The following PARD3B variants were observed in gnomAD, a reference collection of about 807,000 sequenced individuals.
PARD3B encodes the protein par-3 family cell polarity regulator beta.
PARD3B carries 103 observed loss-of-function variants against 130.2 expected under a neutral mutation model. The observed-to-expected ratio is 0.79, with a 90% CI of 0.67 to 0.93. The LOEUF (loss-of-function observed/expected upper bound fraction) is 0.93. PARD3B is among the 40% of genes least tolerant of loss of function. PARD3B has a pLI of 0.00. For synonymous variants in PARD3B, 583 were observed against 553.2 expected (o/e 1.05, Z -0.76); for missense variants, 1,609 against 1,499.2 (o/e 1.07, Z -1.21).
chr2:204,670,499 A>G (rs932432886), intron 1 of PARD3B, among the ~76,000 whole-genome samples: 2 of 152,120 alleles, frequency 1.3e-5, no homozygotes, highest in African/African-American at 4.8e-5. Flanking sequence ...TTTCTCCATA[A>G]TTCTAATAAT....
intron 20 of PARD3B, among the ~76,000 whole-genome samples, chr2:205,448,238 G>A (rs2047976003): frequency 6.6e-6 from 1 of 152,140 alleles, no homozygotes. Flanking sequence ...GCTTTGTTGG[G>A]CATGGCATGC....
intron 15 of PARD3B, among the ~76,000 whole-genome samples, chr2:205,195,742 T>G (rs1026939444): frequency 6.6e-6 from 1 of 152,210 alleles, no homozygotes; most frequent in East Asian, 1.9e-4. Flanking sequence ...TTAAAACGTC[T>G]TAATAAGTAG....
intron 6 of PARD3B, among the ~76,000 whole-genome samples, chr2:205,117,677 A>G (rs1016339104): frequency 3.3e-5 from 5 of 152,236 alleles, no homozygotes; most frequent in African/African-American, 1.2e-4. Flanking sequence ...AGAGAGTGAC[A>G]AAGTCGAAAA....
At chr2:205,167,056 G>A (rs1297224078) in intron 11 of PARD3B, among the ~76,000 whole-genome samples, 1 of 152,084 alleles carries the variant, frequency 6.6e-6, no homozygotes, top group Non-Finnish European at 1.5e-5. Context: ...TCTTTGCCTT[G>A]GCTTTCTTAC....
intron 19 of PARD3B, among the ~76,000 whole-genome samples, chr2:205,426,938 A>C (rs921977073): frequency 1.3e-5 from 2 of 152,190 alleles, no homozygotes; most frequent in African/African-American, 4.8e-5. Context: ...AATGGCTAGC[A>C]ATCTGATAGT....
intron 19 of PARD3B, among the ~76,000 whole-genome samples, chr2:205,414,768 A>C (rs2046717100): frequency 6.6e-6 from 1 of 152,116 alleles, no homozygotes; most frequent in Non-Finnish European, 1.5e-5. Context: ...AATAATCCTA[A>C]AATGTTTCAC....
chr2:205,063,246 G>T (rs1001646772), intron 4 of PARD3B, among the ~76,000 whole-genome samples: 1 of 151,796 alleles, frequency 6.6e-6, no homozygotes. Context: ...ACCCTAATTT[G>T]ATCATTATAC....
chr2:205,417,870 C>A (rs937312903), intron 19 of PARD3B, among the ~76,000 whole-genome samples: 11 of 152,206 alleles, frequency 7.2e-5, no homozygotes, highest in African/African-American at 2.2e-4. Flanking sequence ...CCAGTGGAGG[C>A]CTTTATTGTG....
At chr2:204,627,793 G>T (rs964367314) in intron 1 of PARD3B, among the ~76,000 whole-genome samples, 9 of 152,048 alleles carry the variant, frequency 5.9e-5, no homozygotes, top group Middle Eastern at 3.2e-3. Context: ...TTGTGAAATA[G>T]CATTTCATTA....
chr2:204,632,885 C>T (rs1378967264), intron 1 of PARD3B, among the ~76,000 whole-genome samples: 5 of 152,180 alleles, frequency 3.3e-5, no homozygotes, highest in East Asian at 1.9e-4. Context: ...AGTATTCACT[C>T]GCACCTTTTG....
chr2:204,840,813 C>T (rs2044232870), intron 2 of PARD3B, among the ~76,000 whole-genome samples: 1 of 152,152 alleles, frequency 6.6e-6, no homozygotes, highest in African/African-American at 2.4e-5. Flanking sequence ...ATACCTTTTA[C>T]TGCAGTATAT....
intron 3 of PARD3B, among the ~76,000 whole-genome samples, chr2:205,012,687 T>C (rs189186138): frequency 6.6e-6 from 1 of 152,242 alleles, no homozygotes; most frequent in East Asian, 1.9e-4. Flanking sequence ...ATTAAAGAGA[T>C]AGTGTTTTAA....
At position 204,623,823 on chromosome 2, in the gene PARD3B, C is replaced by G. The variant is rs1449731681; in HGVS notation, c.121-62358C>G. On this transcript the variant is annotated intron_variant, in intron 1 of 22. Transcript: ENST00000406610. This position sits in a 1 kb window ranked among gnomAD's most constrained non-coding sequence, Gnocchi z 4.5. Reference sequence around the variant, plus strand: ...TAGCAACTGCTTATTTCTCCCTGTCCCCAACTAACAGCCACCATTATACTC... The same window carrying G: ...TAGCAACTGCTTATTTCTCCCTGTCGCCAACTAACAGCCACCATTATACTC... Among the ~76,000 whole-genome samples, 5 of 152,080 alleles carry G rather than the reference C, an allele frequency of 3.3e-5. No homozygotes were observed. Among genetic ancestry groups the G allele is most frequent in the Non-Finnish European group, 5.9e-5 (4 of 68,022 alleles).
At position 205,176,616 on chromosome 2, in the gene PARD3B, A is replaced by C. The variant is rs750198292; in HGVS notation, c.1924+39A>C. ...CATTTTATCCACTGCAAATGGAGTGAGAAAACACAAAAGTGTCTTTTTATC... is the reference window on the plus strand; with the variant it reads ...CATTTTATCCACTGCAAATGGAGTGCGAAAACACAAAAGTGTCTTTTTATC... On this transcript the variant is annotated intron_variant, in intron 13 of 22. Transcript: ENST00000406610. This position sits in a 1 kb window ranked among gnomAD's most constrained non-coding sequence, Gnocchi z 5.3. 6.6e-7 allele frequency: 1 copy of C among 1,511,710 alleles called. No homozygotes were observed. 93.6% of individuals were successfully genotyped at this position (1,511,710 alleles called of 1,614,324 possible).
intron 1 of PARD3B, among the ~76,000 whole-genome samples, chr2:204,672,375 A>G (rs547787626): frequency 1.8e-4 from 27 of 152,224 alleles, no homozygotes; most frequent in Non-Finnish European, 3.4e-4. Context: ...TTAATTATGA[A>G]TCTTAGCTAA....
intron 2 of PARD3B, among the ~76,000 whole-genome samples, chr2:204,694,353 C>A (rs78096276): frequency 8.6e-5 from 13 of 151,864 alleles, no homozygotes; most frequent in African/African-American, 2.9e-4. Flanking sequence ...CTTACCATCT[C>A]GAAGTTCTTA....
In PARD3B at chr2:204,545,852, C is replaced by G; in HGVS notation, c.-148C>G. The G allele has an allele frequency of 1.2e-6, 1 of 861,592 alleles. No homozygotes were observed. Among genetic ancestry groups the G allele is most frequent in the Non-Finnish European group, 1.6e-6 (1 of 616,246 alleles). The allele number at this position is 861,592 out of a possible 1,614,324, so 53.4% of individuals were successfully genotyped here. A position where few individuals can be genotyped will look rare whatever the true frequency, so the allele number is the denominator to read the frequency against. The stretch of plus-strand genomic sequence containing the variant: ...CCTGGCCAGGTGGAAGGGGCGCTGC[C>G]GCGAGCCTCCGGGCCTCAGGGTGTT... On this transcript the variant is annotated 5_prime_UTR_variant, in exon 1 of 23. Coordinates refer to ENST00000406610, the MANE Select transcript of PARD3B (RefSeq NM_001302769.2).
At chr2:204,911,881 T>G (rs76764034) in intron 2 of PARD3B, among the ~76,000 whole-genome samples, 1 of 152,190 alleles carries the variant, frequency 6.6e-6, no homozygotes, top group Non-Finnish European at 1.5e-5. Context: ...AACTTTTGTT[T>G]GTCAAATATA....
At chr2:204,874,585 A>T (rs866503098) in intron 2 of PARD3B, among the ~76,000 whole-genome samples, 19 of 151,978 alleles carry the variant, frequency 1.3e-4, no homozygotes, top group Admixed American at 3.9e-4. Flanking sequence ...ATTTTTTTTT[A>T]AAAATCGAGG....
Sources: allele counts gnomAD v4.1 joint callset (sites outside exome capture counted in the v4.1 genomes callset), GRCh38; gene constraint gnomAD v4.1.1; non-coding constraint Gnocchi (gnomAD v3.1); transcripts MANE v1.5; gene names NCBI Gene and HGNC (gene_info 2026-07-23, HGNC 2026-07-21).